LRRC56: variants seen among roughly 807,000 people sequenced by gnomAD.
LRRC56 encodes the protein leucine-rich repeat-containing protein 56.
In LRRC56, 41 loss-of-function variants were observed where a neutral mutation model predicts 47.8. The ratio of observed to expected loss-of-function variants is 0.86; its 90% CI spans 0.67 to 1.11. The LOEUF (loss-of-function observed/expected upper bound fraction) is 1.11, where lower values mean the gene tolerates loss of function less well. Among genes scored for constraint, LRRC56 ranks in the 50% most tolerant of loss-of-function variants. The probability of loss-of-function intolerance (pLI) is 0.00; values close to 1 mark genes in which losing one functional copy is unlikely to be tolerated. For synonymous variants in LRRC56, 387 were observed against 311.2 expected, an observed-to-expected ratio of 1.24 and a Z score of -2.56; for missense variants, 759 against 704.2, an observed-to-expected ratio of 1.08 and a Z score of -0.88.
intron 5 of LRRC56, among the ~76,000 whole-genome samples, chr11:543,180 A>T (rs1851889453): frequency 6.9e-6 from 1 of 143,886 alleles, no homozygotes; most frequent in Admixed American, 7.2e-5. Context: ...GATTACAGGG[A>T]TGAGCCACCG....
At chr11:524,976 G>C in the LRRC56 span, among the ~76,000 whole-genome samples, 1 of 150,516 alleles carries the variant, frequency 6.6e-6, no homozygotes, top group Admixed American at 6.6e-5. Flanking sequence ...CCTGCCTGTA[G>C]TCCCAGCTAC....
upstream of LRRC56, chr11:534,024 TCTCATGCCC>T (rs748524809): frequency 3.9e-5 from 58 of 1,475,362 alleles, no homozygotes; most frequent in Admixed American, 1.7e-4. Flanking sequence ...CCCTGGTACC[TCTCATGCCC>T]CTCATGCCCC....
chr11:546,514 G>C (rs1223765310), intron 6 of LRRC56, among the ~76,000 whole-genome samples: 1 of 151,810 alleles, frequency 6.6e-6, no homozygotes, highest in African/African-American at 2.4e-5. Context: ...CTTGCAGTGA[G>C]CCAAGATCGC....
chr11:520,360 G>A, the LRRC56 span, among the ~76,000 whole-genome samples: 3 of 151,780 alleles, frequency 2.0e-5, no homozygotes, highest in East Asian at 5.8e-4. Flanking sequence ...TCGCTCTGTC[G>A]CCCAGGCTGG....
At chr11:552,738 G>T in intron 13 of LRRC56, 36 bp downstream of exon 13, 1 of 1,566,476 alleles carries the variant, frequency 6.4e-7, no homozygotes, top group Non-Finnish European at 8.7e-7. Flanking sequence ...CAGTGCCTGG[G>T]AGTGACCAAC....
rs955362101 is a variant in LRRC56, at chr11:541,458, A to C, written c.178-79A>C. On this transcript the variant is annotated intron_variant, in intron 4 of 13. Transcript: ENST00000270115. The surrounding 1 kb of genome is among the most constrained non-coding windows in gnomAD (Gnocchi z 4.1). ...GTGCCTGCTCCAGCGGGAGCCCCAG[A>C]GTCCTGTAGCCAGAAGCAAGGATGG... is the stretch of plus-strand genomic sequence containing the variant. 3 of 798,796 alleles carry C rather than the reference A, an allele frequency of 3.8e-6. No homozygotes were observed. In the African/African-American group the frequency reaches 5.4e-5, roughly 14 times the overall value. 49.5% of individuals were successfully genotyped at this position (798,796 alleles called of 1,614,324 possible). A position where few individuals can be genotyped will look rare whatever the true frequency, so the allele number is the denominator to read the frequency against.
chr11:525,971 C>A, the LRRC56 span, among the ~76,000 whole-genome samples: 4 of 151,976 alleles, frequency 2.6e-5, no homozygotes, highest in Non-Finnish European at 5.9e-5. Flanking sequence ...TTTGGGAGGC[C>A]AAGGCAGGCA....
At chr11:526,752 C>G in the LRRC56 span, among the ~76,000 whole-genome samples, 1 of 151,850 alleles carries the variant, frequency 6.6e-6, no homozygotes, top group Non-Finnish European at 1.5e-5. Context: ...GCCTGGCCAA[C>G]ATGGCAAAAC....
intron 12 of LRRC56, 125 bp downstream of exon 12, chr11:552,357 C>G: frequency 7.2e-7 from 1 of 1,384,156 alleles, no homozygotes; most frequent in Non-Finnish European, 9.9e-7. Flanking sequence ...TGTCCTGTCC[C>G]GTGGGGGGAT....
At chr11:551,074 C>T (rs1047129445) in intron 8 of LRRC56, 57 bp from the exon 9 acceptor site, 12 of 1,048,902 alleles carry the variant, frequency 1.1e-5, no homozygotes, top group East Asian at 3.0e-5. Flanking sequence ...AAGAGCTGGC[C>T]GGAAGGAAAC....
At chr11:520,604 C>A in the LRRC56 span, among the ~76,000 whole-genome samples, 1 of 152,198 alleles carries the variant, frequency 6.6e-6, no homozygotes, top group Non-Finnish European at 1.5e-5. Flanking sequence ...CAGGCATGAG[C>A]CACCGCGCCC....
the LRRC56 span, among the ~76,000 whole-genome samples, chr11:522,940 G>T: frequency 6.6e-6 from 1 of 151,822 alleles, no homozygotes; most frequent in Non-Finnish European, 1.5e-5. Flanking sequence ...GTAGAGACGA[G>T]GTTTCACCAT....
At chr11:534,859 C>T (rs901746859), upstream of LRRC56, among the ~76,000 whole-genome samples, 2 of 152,190 alleles carry the variant, frequency 1.3e-5, no homozygotes, top group African/African-American at 4.8e-5. Flanking sequence ...GAGGGGAGGG[C>T]AGACCCGGGC....
chr11:508,454 C>T, the LRRC56 span, among the ~76,000 whole-genome samples: 1 of 152,352 alleles, frequency 6.6e-6, no homozygotes, highest in South Asian at 2.1e-4. Flanking sequence ...CCACTACACC[C>T]GGCCTGATCA....
At chr11:509,796 C>G in the LRRC56 span, among the ~76,000 whole-genome samples, 6 of 150,806 alleles carry the variant, frequency 4.0e-5, no homozygotes, top group East Asian at 7.8e-4. Context: ...AGCTCCTGAC[C>G]TTGTGATTCG....
the LRRC56 span, among the ~76,000 whole-genome samples, chr11:527,438 C>G: frequency 6.6e-6 from 1 of 152,232 alleles, no homozygotes; most frequent in African/African-American, 2.4e-5. Flanking sequence ...CCTCCCCAGC[C>G]CCTGCCCACG....
the LRRC56 span, among the ~76,000 whole-genome samples, chr11:523,120 C>T: frequency 1.3e-5 from 2 of 151,968 alleles, no homozygotes; most frequent in Non-Finnish European, 2.9e-5. Flanking sequence ...CCTCCACCTC[C>T]CAGGTTCAAG....
In LRRC56 at chr11:539,677, T is replaced by G. The variant is rs1199881836; in HGVS notation, c.-61T>G. On this transcript the variant is annotated 5_prime_UTR_variant, in exon 3 of 14. Transcript: ENST00000270115. Reference sequence around the variant, plus strand: ...TCCCAAAGTGCTGGGATTACAGGCGTGAGCCACTGCGCCCCGCCAGACGTC... The same window carrying G: ...TCCCAAAGTGCTGGGATTACAGGCGGGAGCCACTGCGCCCCGCCAGACGTC... The G allele has an allele frequency of 6.6e-6, 1 of 152,082 alleles. No homozygotes were observed. Among genetic ancestry groups the G allele is most frequent in the Non-Finnish European group, 1.5e-5 (1 of 68,166 alleles). 9.4% of individuals were successfully genotyped at this position (152,082 alleles called of 1,614,324 possible).
the LRRC56 span, among the ~76,000 whole-genome samples, chr11:518,859 C>T: frequency 9.2e-5 from 14 of 151,706 alleles, no homozygotes; most frequent in Admixed American, 3.3e-4. Flanking sequence ...CGAGCGAGGC[C>T]GGGACTCGGG....
Sources: gnomAD v4.1 joint callset for allele counts (sites outside exome capture counted in the v4.1 genomes callset) on GRCh38, gnomAD v4.1.1 for gene constraint, Gnocchi (gnomAD v3.1) non-coding constraint, MANE v1.5 for transcripts, NCBI Gene and HGNC (gene_info 2026-07-23, HGNC 2026-07-21) for gene names.